Variants in SUGCT observed in about 807,000 individuals in gnomAD.
The protein encoded by SUGCT is succinyl-CoA:glutarate-CoA transferase.
SUGCT carries 41 observed loss-of-function variants against 55.0 expected under a neutral mutation model. The observed-to-expected ratio is 0.74, with a 90% CI of 0.58 to 0.97. SUGCT has a LOEUF of 0.97. Among genes scored for constraint, SUGCT ranks in the 50% least tolerant of loss-of-function variants. The pLI, the probability that SUGCT is intolerant of heterozygous loss-of-function variation, is 0.00. For missense variants in SUGCT, 568 were observed against 547.8 expected, an observed-to-expected ratio of 1.04 and a Z score of -0.37; for synonymous variants, 187 against 200.4, an observed-to-expected ratio of 0.93 and a Z score of 0.56.
At chr7:40,158,124 C>T (rs1783983500) in intron 1 of SUGCT, among the ~76,000 whole-genome samples, 1 of 151,996 alleles carries the variant, frequency 6.6e-6, no homozygotes, top group Non-Finnish European at 1.5e-5. Context: ...GGAGATTGAA[C>T]CCGGGAGGTG....
intron 7 of SUGCT, among the ~76,000 whole-genome samples, chr7:40,270,019 C>T (rs1374692729): frequency 1.3e-5 from 2 of 151,550 alleles, no homozygotes; most frequent in African/African-American, 4.9e-5. Flanking sequence ...GCCTGTGGTC[C>T]CAGCTACACG....
At chr7:40,956,963 T>C in the SUGCT span, among the ~76,000 whole-genome samples, 1 of 152,028 alleles carries the variant, frequency 6.6e-6, no homozygotes, top group African/African-American at 2.4e-5. Context: ...GCTAATTTGA[T>C]TGCACTGTGG....
chr7:40,792,042 C>T (rs779807531), intron 13 of SUGCT, among the ~76,000 whole-genome samples: 23 of 152,134 alleles, frequency 1.5e-4, no homozygotes, highest in Middle Eastern at 6.8e-3. Flanking sequence ...CAAGGGTTGG[C>T]CTAAGATGAG....
chr7:40,317,906 C>T (rs1023781961), intron 9 of SUGCT, among the ~76,000 whole-genome samples: 5 of 152,128 alleles, frequency 3.3e-5, no homozygotes, highest in African/African-American at 1.2e-4. Flanking sequence ...CACTGCTTTT[C>T]AACACATTGA....
intron 13 of SUGCT, among the ~76,000 whole-genome samples, chr7:40,858,293 C>T (rs1293321335): frequency 1.3e-5 from 2 of 149,028 alleles, no homozygotes; most frequent in Non-Finnish European, 3.0e-5. Flanking sequence ...ATCCCAGCTA[C>T]TGGGGAGGCT....
At chr7:40,273,928 A>G (rs1029444996) in intron 7 of SUGCT, among the ~76,000 whole-genome samples, 9 of 152,182 alleles carry the variant, frequency 5.9e-5, no homozygotes, top group African/African-American at 2.2e-4. Context: ...CAGTTTGTTT[A>G]TCATAGTAAT....
At chr7:40,656,168 A>G (rs1801010188) in intron 12 of SUGCT, among the ~76,000 whole-genome samples, 1 of 152,266 alleles carries the variant, frequency 6.6e-6, no homozygotes, top group Admixed American at 6.5e-5. Flanking sequence ...ACATTCCCAG[A>G]GTCACACAGC....
At chr7:40,722,633 G>A (rs1388573079) in intron 12 of SUGCT, among the ~76,000 whole-genome samples, 1 of 152,126 alleles carries the variant, frequency 6.6e-6, no homozygotes, top group Non-Finnish European at 1.5e-5. Context: ...CTCATGGTTT[G>A]TCCACTATAG....
intron 12 of SUGCT, among the ~76,000 whole-genome samples, chr7:40,664,169 T>C (rs1187425701): frequency 6.6e-6 from 1 of 152,118 alleles, no homozygotes; most frequent in Non-Finnish European, 1.5e-5. Flanking sequence ...TGTAAGACAA[T>C]ATATTTTTGT....
At chr7:40,566,443 T>C (rs1411182096) in intron 12 of SUGCT, among the ~76,000 whole-genome samples, 1 of 152,202 alleles carries the variant, frequency 6.6e-6, no homozygotes, top group Non-Finnish European at 1.5e-5. Context: ...CTTACACTTT[T>C]CAAATGAAAT....
intron 12 of SUGCT, among the ~76,000 whole-genome samples, chr7:40,498,553 A>C (rs1267889957): frequency 6.6e-6 from 1 of 152,210 alleles, no homozygotes; most frequent in African/African-American, 2.4e-5. Flanking sequence ...GGCTGGTTGT[A>C]AAACCCTTGG....
At chr7:40,942,269 C>T in the SUGCT span, among the ~76,000 whole-genome samples, 1 of 152,040 alleles carries the variant, frequency 6.6e-6, no homozygotes, top group African/African-American at 2.4e-5. Flanking sequence ...ATGACAAATT[C>T]CCCCAGCATT....
intron 6 of SUGCT, among the ~76,000 whole-genome samples, chr7:40,199,497 T>A (rs550366447): frequency 9.2e-5 from 14 of 152,224 alleles, no homozygotes; most frequent in Non-Finnish European, 1.6e-4. Flanking sequence ...CTGAAGGACA[T>A]ATTTATATTT....
At chr7:40,149,222 T>TTA (rs993586513) in intron 1 of SUGCT, among the ~76,000 whole-genome samples, 1 of 152,176 alleles carries the variant, frequency 6.6e-6, no homozygotes, top group Admixed American at 6.5e-5. Context: ...TACTGGATTT[T>TTA]TATACATGTA....
intron 12 of SUGCT, among the ~76,000 whole-genome samples, chr7:40,694,090 T>G (rs1288901831): frequency 2.0e-5 from 3 of 152,372 alleles, no homozygotes; most frequent in Admixed American, 1.3e-4. Flanking sequence ...CTATTGTCCT[T>G]AAAAGGGATC....
At chr7:40,904,485 T>C in the SUGCT span, among the ~76,000 whole-genome samples, 2 of 152,234 alleles carry the variant, frequency 1.3e-5, no homozygotes, top group Non-Finnish European at 2.9e-5. Flanking sequence ...CATAATAGAA[T>C]AGTCAAATTC....
chr7:40,345,486 A>G (rs1021932809), intron 9 of SUGCT, among the ~76,000 whole-genome samples: 8 of 152,128 alleles, frequency 5.3e-5, no homozygotes, highest in African/African-American at 1.9e-4. Flanking sequence ...TTGAGTTTTT[A>G]TGAATTTCAT....
chr7:40,622,523 T>TGG (rs1799312285), intron 12 of SUGCT, among the ~76,000 whole-genome samples: 1 of 143,470 alleles, frequency 7.0e-6, no homozygotes, highest in Admixed American at 7.4e-5. Context: ...ATGTTTGTTG[T>TGG]GGTTGTTTTT....
At chr7:40,967,527 A>G in the SUGCT span, among the ~76,000 whole-genome samples, 1 of 152,182 alleles carries the variant, frequency 6.6e-6, no homozygotes, top group Non-Finnish European at 1.5e-5. Context: ...CCCTCAATCA[A>G]ACTGAAGTTG....
Sources: allele counts gnomAD v4.1 joint callset (sites outside exome capture counted in the v4.1 genomes callset), GRCh38; gene constraint gnomAD v4.1.1; transcripts MANE v1.5; gene names NCBI Gene and HGNC (gene_info 2026-07-23, HGNC 2026-07-21).